The following ARHGAP15 variants were observed in gnomAD, a reference collection of about 807,000 sequenced individuals.
ARHGAP15 encodes the protein Rho GTPase activating protein 15.
ARHGAP15 carries 51 observed loss-of-function variants against 63.7 expected under a neutral mutation model. The ratio of observed to expected loss-of-function variants is 0.80; its 90% CI spans 0.64 to 1.01. The LOEUF (loss-of-function observed/expected upper bound fraction) is 1.01, where lower values mean the gene tolerates loss of function less well. ARHGAP15 is among the 50% of genes least tolerant of loss of function. The pLI is 0.00. For synonymous variants in ARHGAP15, 191 were observed against 193.8 expected, an observed-to-expected ratio of 0.99 and a Z score of 0.12; for missense variants, 560 against 564.6, an observed-to-expected ratio of 0.99 and a Z score of 0.08.
chr2:143,718,096 G>C (rs1684888015), intron 13 of ARHGAP15, among the ~76,000 whole-genome samples: 1 of 151,884 alleles, frequency 6.6e-6, no homozygotes, highest in African/African-American at 2.4e-5. Flanking sequence ...ATGTCGTTGG[G>C]GTTTTTTTTT....
chr2:143,645,501 G>T (rs1462790365), intron 12 of ARHGAP15, among the ~76,000 whole-genome samples: 1 of 152,046 alleles, frequency 6.6e-6, no homozygotes, highest in African/African-American at 2.4e-5. Context: ...ATGTGGTTTA[G>T]TCTCTGTACT....
intron 8 of ARHGAP15, among the ~76,000 whole-genome samples, chr2:143,472,643 T>C (rs1178989440): frequency 1.3e-5 from 2 of 152,132 alleles, no homozygotes; most frequent in African/African-American, 2.4e-5. Flanking sequence ...GGACTATCTC[T>C]ATTTAACTCA....
chr2:143,537,339 T>C (rs1694822809), intron 10 of ARHGAP15, among the ~76,000 whole-genome samples: 1 of 152,170 alleles, frequency 6.6e-6, no homozygotes, highest in South Asian at 2.1e-4. Flanking sequence ...GCCTGTTCAC[T>C]CTGATGGTGG....
rs201879813 is a variant in ARHGAP15, at chr2:143,528,641, C to G, written c.925+9277C>G. Among the ~76,000 whole-genome samples, 6 of 152,144 alleles carry G rather than the reference C, an allele frequency of 3.9e-5. No individual in the cohort carries two copies. The East Asian group carries it at 1.2e-3, about 29-fold the overall frequency. Reference sequence around the variant, plus strand: ...AAGCTCTGTAAAGACGTTGAATATACCAATGTTATTAAAATTGGACTGTTG... The same window carrying G: ...AAGCTCTGTAAAGACGTTGAATATAGCAATGTTATTAAAATTGGACTGTTG... On this transcript the variant is annotated intron_variant, in intron 10 of 13. Coordinates refer to ENST00000295095, the MANE Select transcript of ARHGAP15 (RefSeq NM_018460.4).
intron 12 of ARHGAP15, among the ~76,000 whole-genome samples, chr2:143,676,732 A>G (rs192870238): frequency 2.6e-4 from 40 of 152,330 alleles, no homozygotes; most frequent in Admixed American, 2.4e-3. Flanking sequence ...ACAGATCACT[A>G]TAACAGATAA....
chr2:143,411,901 G>A (rs79636754), intron 6 of ARHGAP15, among the ~76,000 whole-genome samples: 4,732 of 152,242 alleles, frequency 0.031, 259 homozygotes, highest in African/African-American at 0.11. Flanking sequence ...CAGAAAGAGA[G>A]GGAATAATTT....
chr2:143,554,247 A>G (rs373214508), intron 10 of ARHGAP15, among the ~76,000 whole-genome samples: 1 of 152,128 alleles, frequency 6.6e-6, no homozygotes, highest in East Asian at 1.9e-4. Flanking sequence ...AATTCCTTAA[A>G]ATCAATTGAT....
rs993229095 is a variant in ARHGAP15 at position 143,188,943 on chromosome 2, A to AT, written c.166-13180dup. Among the ~76,000 whole-genome samples the AT allele has an allele frequency of 3.1e-3, 458 of 146,028 alleles. 3 individuals are homozygous for AT. Among genetic ancestry groups the AT allele is most frequent in the Admixed American group, 0.011 (155 of 14,640 alleles). ...CGGCCCCTATGCCTTATTTCTAACGATTTTTTTTTTTCCCTTGGTCAAATC... is the reference window on the plus strand; with the variant it reads ...CGGCCCCTATGCCTTATTTCTAACGATTTTTTTTTTTTCCCTTGGTCAAATC... On this transcript the variant is annotated intron_variant, in intron 2 of 13. Coordinates refer to ENST00000295095, the MANE Select transcript of ARHGAP15 (RefSeq NM_018460.4).
chr2:143,659,458 T>A (rs1311957806), intron 12 of ARHGAP15, among the ~76,000 whole-genome samples: 1 of 152,206 alleles, frequency 6.6e-6, no homozygotes. Flanking sequence ...TATGGTAGTT[T>A]GTGTGATATT....
At chr2:143,765,062 C>G (rs1413051276) in intron 13 of ARHGAP15, among the ~76,000 whole-genome samples, 1 of 151,424 alleles carries the variant, frequency 6.6e-6, no homozygotes, top group Non-Finnish European at 1.5e-5. Context: ...CTAATAAGTA[C>G]TCAATTGATT....
chr2:143,635,857 A>C (rs1465204764), intron 12 of ARHGAP15, among the ~76,000 whole-genome samples: 3 of 152,090 alleles, frequency 2.0e-5, no homozygotes, highest in Non-Finnish European at 4.4e-5. Context: ...TTAATCTATG[A>C]ACTATAAAAA....
At chr2:143,704,336 T>C (rs1269929880) in intron 13 of ARHGAP15, among the ~76,000 whole-genome samples, 1 of 152,126 alleles carries the variant, frequency 6.6e-6, no homozygotes, top group East Asian at 1.9e-4. Flanking sequence ...ACCACAGTAG[T>C]ACAGGCAGGA....
intron 1 of ARHGAP15, among the ~76,000 whole-genome samples, chr2:143,147,246 G>T (rs6705990): frequency 0.25 from 38,081 of 151,898 alleles, 4,895 homozygotes; most frequent in East Asian, 0.44. Flanking sequence ...GTTTTCTAAC[G>T]CTGTGGCTGC....
intron 3 of ARHGAP15, among the ~76,000 whole-genome samples, chr2:143,212,843 C>T (rs1221381130): frequency 1.3e-5 from 2 of 152,116 alleles, no homozygotes; most frequent in Non-Finnish European, 2.9e-5. Context: ...AACATGGTGA[C>T]GTATTTCAAA....
At chr2:143,659,848 A>C (rs772036068) in intron 12 of ARHGAP15, among the ~76,000 whole-genome samples, 1 of 151,764 alleles carries the variant, frequency 6.6e-6, no homozygotes, top group African/African-American at 2.4e-5. Context: ...TGTTCTGCCC[A>C]TTTCTCTGGC....
chr2:143,650,766 T>C (rs1225563004), intron 12 of ARHGAP15, among the ~76,000 whole-genome samples: 2 of 151,968 alleles, frequency 1.3e-5, no homozygotes, highest in African/African-American at 2.4e-5. Context: ...TTGTTGTATC[T>C]ATATGGTGGC....
At chr2:143,445,291 G>T (rs751003936) in intron 8 of ARHGAP15, among the ~76,000 whole-genome samples, 1 of 147,996 alleles carries the variant, frequency 6.8e-6, no homozygotes, top group African/African-American at 2.5e-5. Context: ...CTCCCTAGTA[G>T]CTGGGACTAC....
intron 11 of ARHGAP15, among the ~76,000 whole-genome samples, chr2:143,569,776 C>T (rs1411889115): frequency 1.3e-5 from 2 of 152,062 alleles, no homozygotes; most frequent in Non-Finnish European, 2.9e-5. Flanking sequence ...GGAAAGAGTA[C>T]ATACAGGGGA....
chr2:143,742,463 G>A (rs949525879), intron 13 of ARHGAP15, among the ~76,000 whole-genome samples: 4 of 152,124 alleles, frequency 2.6e-5, no homozygotes, highest in African/African-American at 7.2e-5. Context: ...ATTCTGGTAC[G>A]TACCCAAAAC....
Sources: allele counts gnomAD v4.1 joint callset (sites outside exome capture counted in the v4.1 genomes callset), GRCh38; gene constraint gnomAD v4.1.1; transcripts MANE v1.5; gene names NCBI Gene and HGNC (gene_info 2026-07-23, HGNC 2026-07-21).